Variants in CNTNAP2 observed in about 807,000 individuals in gnomAD.
CNTNAP2 encodes contactin-associated protein-like 2.
In CNTNAP2, 98 loss-of-function variants were observed where a neutral mutation model predicts 155.2. That is an observed-to-expected ratio of 0.63 (90% CI 0.54 to 0.75). CNTNAP2 has a LOEUF of 0.75. Ranked by LOEUF, CNTNAP2 falls within the 30% of genes least tolerant of loss-of-function variation. CNTNAP2 has a pLI of 0.00. For synonymous variants in CNTNAP2, 651 were observed against 631.2 expected (o/e 1.03, Z -0.47); for missense variants, 1,727 against 1,688.1 (o/e 1.02, Z -0.40).
chr7:148,263,603 G>A (rs544853436), intron 20 of CNTNAP2, among the ~76,000 whole-genome samples: 5 of 152,180 alleles, frequency 3.3e-5, no homozygotes, highest in South Asian at 2.1e-4. Context: ...CGGGCGTGGT[G>A]GCGGGCGCCT....
chr7:146,749,485 T>C (rs1005358319), intron 1 of CNTNAP2, among the ~76,000 whole-genome samples: 11 of 152,306 alleles, frequency 7.2e-5, no homozygotes, highest in Admixed American at 7.2e-4. Flanking sequence ...TATCTTTTTG[T>C]TAATCATCAG....
At chr7:146,333,023 A>G (rs936967107) in intron 1 of CNTNAP2, among the ~76,000 whole-genome samples, 2 of 141,472 alleles carry the variant, frequency 1.4e-5, no homozygotes, top group African/African-American at 5.3e-5. Context: ...GGCTTACTGC[A>G]ATCTCCGCCT....
At chr7:147,005,837 TGTC>T (rs1398509270) in intron 3 of CNTNAP2, among the ~76,000 whole-genome samples, 7 of 152,094 alleles carry the variant, frequency 4.6e-5, no homozygotes, top group African/African-American at 1.4e-4. Context: ...GCTTCTTTGT[TGTC>T]TGCAGTTTCT....
intron 1 of CNTNAP2, among the ~76,000 whole-genome samples, chr7:146,383,177 G>T (rs763699062): frequency 4.9e-4 from 74 of 152,250 alleles, no homozygotes; most frequent in Non-Finnish European, 8.1e-4. Context: ...AAAATAATAT[G>T]CTGCACAAGC....
intron 11 of CNTNAP2, among the ~76,000 whole-genome samples, chr7:147,531,961 C>A (rs1799440952): frequency 6.6e-6 from 1 of 152,014 alleles, no homozygotes; most frequent in African/African-American, 2.4e-5. Context: ...TGCCTGCCAC[C>A]ATGTCCGACT....
At chr7:147,469,256 G>A (rs542196956) in intron 10 of CNTNAP2, among the ~76,000 whole-genome samples, 3 of 152,216 alleles carry the variant, frequency 2.0e-5, no homozygotes, top group Middle Eastern at 3.4e-3. Context: ...TTCCGTGTCC[G>A]TTCTGTAATT....
chr7:147,561,932 A>T (rs2116788801), intron 11 of CNTNAP2, among the ~76,000 whole-genome samples: 1 of 152,338 alleles, frequency 6.6e-6, no homozygotes, highest in Admixed American at 6.5e-5. Flanking sequence ...AAGTCATACC[A>T]GGAGCTTGCT....
chr7:147,997,587 C>T (rs989410371), intron 15 of CNTNAP2, among the ~76,000 whole-genome samples: 3 of 151,564 alleles, frequency 2.0e-5, no homozygotes, highest in African/African-American at 7.3e-5. Flanking sequence ...AAACAAGAGA[C>T]GCACAGTGAA....
chr7:148,409,888 A>G (rs1799791553), intron 23 of CNTNAP2, among the ~76,000 whole-genome samples: 1 of 92,560 alleles, frequency 1.1e-5, no homozygotes, highest in Non-Finnish European at 2.3e-5. Context: ...CGTCTCTACT[A>G]AAAATACAAA....
intron 15 of CNTNAP2, among the ~76,000 whole-genome samples, chr7:147,980,005 T>A (rs1279947346): frequency 6.6e-6 from 1 of 152,228 alleles, no homozygotes; most frequent in Non-Finnish European, 1.5e-5. Flanking sequence ...GAGCACTTTA[T>A]AATTAATATT....
intron 6 of CNTNAP2, among the ~76,000 whole-genome samples, chr7:147,126,666 T>TTAA (rs1801245539): frequency 6.6e-6 from 1 of 152,064 alleles, no homozygotes; most frequent in Non-Finnish European, 1.5e-5. Flanking sequence ...AGAGATGGGG[T>TTAA]TTCTCCATGT....
chr7:147,675,463 G>A (rs945566890), intron 13 of CNTNAP2, among the ~76,000 whole-genome samples: 3 of 152,060 alleles, frequency 2.0e-5, no homozygotes, highest in Non-Finnish European at 4.4e-5. Context: ...GTCGATCCTG[G>A]TTCAACTCTA....
At chr7:146,497,013 A>G (rs1346081021) in intron 1 of CNTNAP2, among the ~76,000 whole-genome samples, 2 of 152,218 alleles carry the variant, frequency 1.3e-5, no homozygotes, top group African/African-American at 4.8e-5. Flanking sequence ...ACCAAGGTCC[A>G]CAGTACATGT....
chr7:147,625,081 G>A (rs1055544528), intron 12 of CNTNAP2, among the ~76,000 whole-genome samples: 1 of 152,170 alleles, frequency 6.6e-6, no homozygotes, highest in African/African-American at 2.4e-5. Context: ...TGGACATAGG[G>A]TGGAAGGATG....
intron 1 of CNTNAP2, among the ~76,000 whole-genome samples, chr7:146,567,691 C>T (rs1798378266): frequency 6.6e-6 from 1 of 152,084 alleles, no homozygotes. Context: ...TGGTTTAAAA[C>T]TTAGCTTAAT....
intron 3 of CNTNAP2, among the ~76,000 whole-genome samples, chr7:146,970,420 CAAAAG>C (rs922212430): frequency 2.6e-5 from 4 of 152,090 alleles, no homozygotes; most frequent in African/African-American, 4.8e-5. Context: ...AGACACTTCT[CAAAAG>C]AAGACATTTA....
intron 15 of CNTNAP2, among the ~76,000 whole-genome samples, chr7:148,047,079 C>T (rs2707562): frequency 0.013 from 1,960 of 152,290 alleles, 40 homozygotes; most frequent in African/African-American, 0.045. Context: ...TTCTCGAAAC[C>T]AGGCTATTTC....
chr7:147,106,502 T>G (rs1291748114), intron 4 of CNTNAP2, among the ~76,000 whole-genome samples: 1 of 152,070 alleles, frequency 6.6e-6, no homozygotes, highest in Non-Finnish European at 1.5e-5. Context: ...GAGAACAGAA[T>G]TCTGTTGATT....
chr7:147,953,385 C>G (rs1329083990), intron 14 of CNTNAP2, among the ~76,000 whole-genome samples: 1 of 152,140 alleles, frequency 6.6e-6, no homozygotes. Flanking sequence ...CAGGTAGCCA[C>G]AGATGCTCTT....
Sources: gnomAD v4.1 joint callset for allele counts (sites outside exome capture counted in the v4.1 genomes callset) on GRCh38, gnomAD v4.1.1 for gene constraint, MANE v1.5 for transcripts, NCBI Gene and HGNC (gene_info 2026-07-23, HGNC 2026-07-21) for gene names.